REDIC1: variants seen among roughly 807,000 people sequenced by gnomAD.
REDIC1 encodes regulator of DNA class I crossover intermediates 1.
At chr12:39,904,394 C>T in the REDIC1 span, among the ~76,000 whole-genome samples, 8 of 152,262 alleles carry the variant, frequency 5.3e-5, no homozygotes, top group East Asian at 3.9e-4. Flanking sequence ...GTTGATTATT[C>T]AGTTCTCAAA....
the REDIC1 span, among the ~76,000 whole-genome samples, chr12:39,879,301 G>A: frequency 6.6e-6 from 1 of 152,202 alleles, no homozygotes; most frequent in East Asian, 1.9e-4. Flanking sequence ...GCCTAGTGGA[G>A]CTGTGAGAAA....
chr12:39,886,920 C>T, the REDIC1 span, among the ~76,000 whole-genome samples: 3 of 152,030 alleles, frequency 2.0e-5, no homozygotes, highest in African/African-American at 2.4e-5. Flanking sequence ...ATGTGTTTTG[C>T]GTATGTTAAA....
At chr12:39,669,614 C>T in the REDIC1 span, among the ~76,000 whole-genome samples, 2 of 152,226 alleles carry the variant, frequency 1.3e-5, no homozygotes, top group African/African-American at 2.4e-5. Flanking sequence ...GCAGAGGATT[C>T]TGCTGCCTTT....
the REDIC1 span, among the ~76,000 whole-genome samples, chr12:39,715,790 C>T: frequency 1.3e-5 from 2 of 151,810 alleles, no homozygotes; most frequent in Non-Finnish European, 2.9e-5. Flanking sequence ...AAATTTCTTC[C>T]CTTCTGATCA....
the REDIC1 span, among the ~76,000 whole-genome samples, chr12:39,779,338 A>G: frequency 4.6e-5 from 7 of 152,164 alleles, no homozygotes; most frequent in Admixed American, 4.6e-4. Context: ...CCCAAGTTCC[A>G]ATTGAGAGAA....
chr12:39,700,791 T>G, the REDIC1 span, among the ~76,000 whole-genome samples: 1 of 151,964 alleles, frequency 6.6e-6, no homozygotes, highest in Non-Finnish European at 1.5e-5. Flanking sequence ...TCAACATTCT[T>G]AAAGAAAAGA....
the REDIC1 span, among the ~76,000 whole-genome samples, chr12:39,904,108 G>A: frequency 6.6e-6 from 1 of 152,114 alleles, no homozygotes; most frequent in Non-Finnish European, 1.5e-5. Flanking sequence ...TGAAGTTGAG[G>A]AAGCCAAGCC....
the REDIC1 span, among the ~76,000 whole-genome samples, chr12:39,687,963 A>ACTGT: frequency 6.6e-6 from 1 of 152,208 alleles, no homozygotes; most frequent in African/African-American, 2.4e-5. Context: ...CAAGATTCAA[A>ACTGT]CTGTCTGTCT....
chr12:39,841,435 C>A, the REDIC1 span, among the ~76,000 whole-genome samples: 2 of 152,058 alleles, frequency 1.3e-5, no homozygotes, highest in East Asian at 3.9e-4. Flanking sequence ...TTTGCCAAAT[C>A]TGTCAACTCC....
chr12:39,869,717 C>T, the REDIC1 span, among the ~76,000 whole-genome samples: 1 of 152,184 alleles, frequency 6.6e-6, no homozygotes, highest in African/African-American at 2.4e-5. Flanking sequence ...AGAAGACCTA[C>T]ACTGAGAGGG....
chr12:39,890,798 T>A, the REDIC1 span, among the ~76,000 whole-genome samples: 2 of 152,164 alleles, frequency 1.3e-5, no homozygotes, highest in Admixed American at 1.3e-4. Flanking sequence ...ATTAAACAAA[T>A]TATGGCTGAC....
the REDIC1 span, among the ~76,000 whole-genome samples, chr12:39,784,459 A>T: frequency 2.6e-5 from 4 of 152,218 alleles, no homozygotes; most frequent in African/African-American, 9.7e-5. Context: ...AACCTGACGA[A>T]AGCAAGAAAT....
chr12:39,758,757 A>G, the REDIC1 span: 6 of 152,028 alleles, frequency 3.9e-5, no homozygotes, highest in Non-Finnish European at 7.4e-5. Flanking sequence ...AAACTAAGCC[A>G]AGAATAAGAA....
chr12:39,881,270 G>A, the REDIC1 span, among the ~76,000 whole-genome samples: 3 of 152,018 alleles, frequency 2.0e-5, no homozygotes, highest in African/African-American at 7.2e-5. Flanking sequence ...GTGTCTTTCA[G>A]TTCTGGTTTA....
the REDIC1 span, among the ~76,000 whole-genome samples, chr12:39,864,551 T>C: frequency 6.6e-6 from 1 of 152,130 alleles, no homozygotes. Flanking sequence ...AACAACCCAC[T>C]CTCTCCTTAA....
chr12:39,712,325 T>TACATATATATGTATATATAC, the REDIC1 span, among the ~76,000 whole-genome samples: 5 of 7,434 alleles, frequency 6.7e-4, no homozygotes, highest in South Asian at 2.9e-3. Flanking sequence ...TATATATACA[T>TACATATATATGTATATATAC]ATGTTTATAT....
chr12:39,807,049 G>GT, the REDIC1 span, among the ~76,000 whole-genome samples: 1 of 152,112 alleles, frequency 6.6e-6, no homozygotes, highest in Admixed American at 6.5e-5. Flanking sequence ...CATTAGGTTG[G>GT]TGCAAAAGTA....
the REDIC1 span, among the ~76,000 whole-genome samples, chr12:39,702,117 C>T: frequency 2.0e-5 from 3 of 152,022 alleles, no homozygotes; most frequent in South Asian, 6.2e-4. Context: ...AATAGAGACA[C>T]AAAAAACCCT....
At chr12:39,799,450 G>A in the REDIC1 span, among the ~76,000 whole-genome samples, 1 of 63,488 alleles carries the variant, frequency 1.6e-5, no homozygotes, top group African/African-American at 3.9e-5. Context: ...TCCTCTACAC[G>A]GCGCACTTTT....
Sources: allele counts gnomAD v4.1 joint callset (sites outside exome capture counted in the v4.1 genomes callset), GRCh38; gene constraint gnomAD v4.1.1; transcripts MANE v1.5; gene names NCBI Gene and HGNC (gene_info 2026-07-23, HGNC 2026-07-21).